The following MARCHF1 variants were observed in gnomAD, a reference collection of about 807,000 sequenced individuals.
The protein encoded by MARCHF1 is membrane associated ring-CH-type finger 1.
Under a neutral mutation model 54.2 loss-of-function variants are expected in MARCHF1, and 40 were observed. The observed-to-expected ratio is 0.74, with a 90% CI of 0.57 to 0.96. MARCHF1 has a LOEUF of 0.96. Ranked by LOEUF, MARCHF1 falls within the 40% of genes least tolerant of loss-of-function variation. The pLI, the probability that MARCHF1 is intolerant of heterozygous loss-of-function variation, is 0.00. For missense variants in MARCHF1, 586 were observed against 656.5 expected (o/e 0.89, Z 1.17); for synonymous variants, 236 against 236.3 (o/e 1.00, Z 0.01).
chr4:164,200,269 C>A (rs967262399), intron 1 of MARCHF1, among the ~76,000 whole-genome samples: 3 of 152,196 alleles, frequency 2.0e-5, no homozygotes, highest in African/African-American at 7.2e-5. Context: ...TGCAAGATAT[C>A]ATTGTAAACA....
chr4:163,677,136 A>G (rs1743945170), intron 5 of MARCHF1, among the ~76,000 whole-genome samples: 1 of 152,254 alleles, frequency 6.6e-6, no homozygotes, highest in African/African-American at 2.4e-5. Flanking sequence ...TTGTCGTTTG[A>G]GATTTTATAC....
At chr4:163,994,108 T>C (rs1753017716) in intron 2 of MARCHF1, among the ~76,000 whole-genome samples, 1 of 152,080 alleles carries the variant, frequency 6.6e-6, no homozygotes, top group African/African-American at 2.4e-5. Flanking sequence ...GGAGGGCCAG[T>C]ATGTATTTCT....
intron 9 of MARCHF1, among the ~76,000 whole-genome samples, chr4:163,537,631 C>G (rs1039452920): frequency 6.6e-6 from 1 of 152,156 alleles, no homozygotes; most frequent in Non-Finnish European, 1.5e-5. Flanking sequence ...ATAATAAACT[C>G]TCTGCCCATC....
chr4:164,314,314 A>G (rs955133231), intron 1 of MARCHF1, among the ~76,000 whole-genome samples: 8 of 152,228 alleles, frequency 5.3e-5, no homozygotes, highest in Non-Finnish European at 1.2e-4. Flanking sequence ...ATAATGCTGC[A>G]AACAATTAAA....
At chr4:163,807,398 T>C (rs1347035286) in intron 4 of MARCHF1, among the ~76,000 whole-genome samples, 4 of 152,192 alleles carry the variant, frequency 2.6e-5, no homozygotes, top group Non-Finnish European at 5.9e-5. Flanking sequence ...AACTTAATAC[T>C]TTTTCCGAAG....
At chr4:163,731,421 C>T (rs1033041473) in intron 4 of MARCHF1, among the ~76,000 whole-genome samples, 4 of 152,184 alleles carry the variant, frequency 2.6e-5, no homozygotes, top group Non-Finnish European at 5.9e-5. Flanking sequence ...TTGATTCTGA[C>T]AGATGATAGA....
At chr4:164,205,598 G>GGTTCT (rs1382524026) in intron 1 of MARCHF1, among the ~76,000 whole-genome samples, 44 of 152,012 alleles carry the variant, frequency 2.9e-4, no homozygotes, top group Non-Finnish European at 1.5e-5. Context: ...AATCAACATA[G>GGTTCT]GTTCTATCAA....
At chr4:163,778,982 A>G (rs553740025) in intron 4 of MARCHF1, among the ~76,000 whole-genome samples, 67 of 152,288 alleles carry the variant, frequency 4.4e-4, no homozygotes, top group African/African-American at 1.5e-3. Context: ...CACTTATACA[A>G]ATAAAAACAA....
chr4:163,612,417 T>C lies in MARCHF1; in HGVS notation c.864A>G (p.Thr288=). The change falls in exon 7 of 10, where the codon ACA becomes ACG. Residue 288 remains threonine (T), a synonymous_variant. Coordinates refer to ENST00000514618, the MANE Select transcript of MARCHF1 (RefSeq NM_001394959.1). ...SLRKNEIMKK[T]FSETDSSTEI... is the part of the protein sequence containing the mutation. ...CAGTGCTGGAATCTGTTTCTGAAAA[T>C]GTCTTCTTCATTATTTCATTTTTCC... is the stretch of plus-strand genomic sequence containing the variant. 2 of 1,535,490 alleles carry C rather than the reference T, an allele frequency of 1.3e-6. No individual in the cohort carries two copies. Among genetic ancestry groups the C allele is most frequent in the South Asian group, 1.2e-5 (1 of 84,036 alleles).
intron 5 of MARCHF1, among the ~76,000 whole-genome samples, chr4:163,699,822 A>G (rs1200133824): frequency 6.6e-6 from 1 of 152,044 alleles, no homozygotes; most frequent in East Asian, 1.9e-4. Flanking sequence ...TGTATATATC[A>G]CATGGCGACT....
intron 7 of MARCHF1, among the ~76,000 whole-genome samples, chr4:163,587,880 T>C (rs7695517): frequency 0.032 from 4,779 of 151,220 alleles, 278 homozygotes; most frequent in African/African-American, 0.11. Context: ...GAAGAATGTA[T>C]GAATCACTGC....
rs1023035923 is a variant in MARCHF1 at position 163,628,945 on chromosome 4, G to A, written c.163-15552C>T. Among the ~76,000 whole-genome samples the A allele has an allele frequency of 2.6e-5, 4 of 152,134 alleles. No individual in the cohort carries two copies. The East Asian group carries it at 5.8e-4, about 22-fold the overall frequency. On this transcript the variant is annotated intron_variant, in intron 5 of 9. Coordinates refer to ENST00000514618, the MANE Select transcript of MARCHF1 (RefSeq NM_001394959.1). ...AACATTCCATGCTCATGGGTAGGAA[G>A]AATCAATATTGTGAAAATGGCCATA...
chr4:163,935,612 T>C (rs1193665460), intron 3 of MARCHF1, among the ~76,000 whole-genome samples: 1 of 152,180 alleles, frequency 6.6e-6, no homozygotes, highest in Non-Finnish European at 1.5e-5. Context: ...GATTAGTCTT[T>C]GACTTAAGAG....
chr4:163,728,216 CCT>C (rs1745720569), intron 4 of MARCHF1, among the ~76,000 whole-genome samples: 1 of 152,126 alleles, frequency 6.6e-6, no homozygotes, highest in Non-Finnish European at 1.5e-5. Flanking sequence ...TTTATCACCC[CCT>C]TTTTTTATTA....
chr4:163,834,343 T>C (rs1749115971), intron 4 of MARCHF1, among the ~76,000 whole-genome samples: 1 of 152,070 alleles, frequency 6.6e-6, no homozygotes. Flanking sequence ...CCAAATAATT[T>C]GGTGATATTT....
chr4:163,811,241 GATTTTT>G lies in MARCHF1; in HGVS notation c.111+42774_111+42779del, dbSNP rs560981916. 1.3e-4 allele frequency among the ~76,000 whole-genome samples: 19 copies of G among 151,464 alleles called. No homozygotes were observed. The South Asian group carries it at 3.4e-3, about 27-fold the overall frequency. On this transcript the variant is annotated intron_variant, in intron 4 of 9. Coordinates refer to ENST00000514618, the MANE Select transcript of MARCHF1 (RefSeq NM_001394959.1). Reference sequence around the variant, plus strand: ...GTTCCGATTTTATAGACTGTTTTAAGATTTTTAGTGGCACTAAACATTGTTTAGTGG... The same window carrying G: ...GTTCCGATTTTATAGACTGTTTTAAGAGTGGCACTAAACATTGTTTAGTGG...
chr4:164,087,984 C>A (rs1001054683), intron 2 of MARCHF1, among the ~76,000 whole-genome samples: 33 of 151,946 alleles, frequency 2.2e-4, no homozygotes. Flanking sequence ...TGAGTAGAGA[C>A]GTTAAATTGA....
At chr4:164,266,440 T>C (rs1376325898) in intron 1 of MARCHF1, among the ~76,000 whole-genome samples, 3 of 152,218 alleles carry the variant, frequency 2.0e-5, no homozygotes, top group Non-Finnish European at 4.4e-5. Flanking sequence ...AACTTAAAAA[T>C]AGTAATACTT....
chr4:163,958,472 A>C (rs1346277283), intron 3 of MARCHF1, among the ~76,000 whole-genome samples: 1 of 152,016 alleles, frequency 6.6e-6, no homozygotes, highest in Non-Finnish European at 1.5e-5. Context: ...TGAATAAATG[A>C]ATACTTTTTT....
Sources: gnomAD v4.1 joint callset for allele counts (sites outside exome capture counted in the v4.1 genomes callset) on GRCh38, gnomAD v4.1.1 for gene constraint, MANE v1.5 for transcripts, NCBI Gene and HGNC (gene_info 2026-07-23, HGNC 2026-07-21) for gene names.